CREB5: variants seen among roughly 807,000 people sequenced by gnomAD.
CREB5 encodes the protein cyclic AMP-responsive element-binding protein 5.
CREB5 carries 19 observed loss-of-function variants against 57.1 expected under a neutral mutation model. That is an observed-to-expected ratio of 0.33 (90% confidence interval 0.23 to 0.49). The LOEUF is 0.49. CREB5 is among the 20% of genes least tolerant of loss of function. The probability of loss-of-function intolerance (pLI) is 0.99; values close to 1 mark genes in which losing one functional copy is unlikely to be tolerated. For missense variants in CREB5, 579 were observed against 671.6 expected (o/e 0.86, Z 1.52); for synonymous variants, 238 against 238.3 (o/e 1.00, Z 0.01).
chr7:28,801,880 A>G (rs1278669665), intron 7 of CREB5, among the ~76,000 whole-genome samples: 2 of 152,006 alleles, frequency 1.3e-5, no homozygotes, highest in Admixed American at 1.3e-4. Flanking sequence ...AGGTCAAAAG[A>G]TGGAGACCAT....
At chr7:28,608,447 C>T (rs1797251674) in intron 5 of CREB5, among the ~76,000 whole-genome samples, 2 of 151,970 alleles carry the variant, frequency 1.3e-5, no homozygotes, top group African/African-American at 2.4e-5. Context: ...GGAAACAGTA[C>T]GTAGTTGAAA....
chr7:28,573,516 G>A (rs1795785244), intron 5 of CREB5, among the ~76,000 whole-genome samples: 1 of 152,172 alleles, frequency 6.6e-6, no homozygotes, highest in Non-Finnish European at 1.5e-5. Context: ...GCGGCCAGCG[G>A]GTGTGTTCAT....
At chr7:28,754,110 G>A (rs1405507456) in intron 7 of CREB5, among the ~76,000 whole-genome samples, 1 of 152,058 alleles carries the variant, frequency 6.6e-6, no homozygotes, top group Non-Finnish European at 1.5e-5. Context: ...TGTATGCAGT[G>A]TTCCACTCCA....
chr7:28,569,539 A>G (rs1457212257), intron 4 of CREB5, among the ~76,000 whole-genome samples: 2 of 152,236 alleles, frequency 1.3e-5, no homozygotes, highest in Non-Finnish European at 2.9e-5. Context: ...ATTAGGTCCT[A>G]TAAGTGACTC....
intron 7 of CREB5, among the ~76,000 whole-genome samples, chr7:28,769,978 G>A (rs1214024858): frequency 6.6e-6 from 1 of 152,220 alleles, no homozygotes; most frequent in Non-Finnish European, 1.5e-5. Flanking sequence ...CTTGGCAATA[G>A]GCTCCATAGT....
intron 5 of CREB5, among the ~76,000 whole-genome samples, chr7:28,700,401 T>A (rs1288894657): frequency 2.6e-5 from 4 of 152,208 alleles, no homozygotes; most frequent in Non-Finnish European, 4.4e-5. Flanking sequence ...CTTCCTTGGC[T>A]ATTTGCCTTC....
chr7:28,528,153 G>A (rs1350742406), intron 4 of CREB5, among the ~76,000 whole-genome samples: 1 of 152,194 alleles, frequency 6.6e-6, no homozygotes. Context: ...TTCTTGGGAT[G>A]TACTGACACT....
chr7:28,673,197 A>G (rs150272959), intron 5 of CREB5, among the ~76,000 whole-genome samples: 1 of 152,338 alleles, frequency 6.6e-6, no homozygotes, highest in East Asian at 1.9e-4. Flanking sequence ...AATCTGGGAT[A>G]TTGAATTTCT....
At chr7:28,446,717 G>A (rs185862060) in intron 1 of CREB5, among the ~76,000 whole-genome samples, 202 of 152,246 alleles carry the variant, frequency 1.3e-3, no homozygotes, top group Non-Finnish European at 2.1e-3. Flanking sequence ...GCGTGAACCC[G>A]GGAGGTGGAG....
At chr7:28,414,854 C>A (rs1042866332) in intron 1 of CREB5, among the ~76,000 whole-genome samples, 4 of 151,764 alleles carry the variant, frequency 2.6e-5, no homozygotes, top group Non-Finnish European at 5.9e-5. Flanking sequence ...TTCCAGAAAC[C>A]CCACTAAAAT....
At chr7:28,476,814 G>A (rs770950546) in intron 1 of CREB5, among the ~76,000 whole-genome samples, 2 of 152,214 alleles carry the variant, frequency 1.3e-5, no homozygotes, top group African/African-American at 4.8e-5. Flanking sequence ...ATTTAGCTGT[G>A]AAAGAGGAGA....
At chr7:28,498,958 G>C (rs1792166776) in intron 3 of CREB5, among the ~76,000 whole-genome samples, 1 of 152,164 alleles carries the variant, frequency 6.6e-6, no homozygotes, top group Non-Finnish European at 1.5e-5. Flanking sequence ...ATGTGTAGAG[G>C]ACAATGCACA....
At chr7:28,352,585 C>G (rs1786254677) in intron 1 of CREB5, among the ~76,000 whole-genome samples, 1 of 152,178 alleles carries the variant, frequency 6.6e-6, no homozygotes, top group East Asian at 1.9e-4. Context: ...GTGAGTTTCT[C>G]TTTGGGCTGG....
chr7:28,383,400 G>C (rs751146297), intron 1 of CREB5, among the ~76,000 whole-genome samples: 2 of 152,320 alleles, frequency 1.3e-5, no homozygotes, highest in South Asian at 4.1e-4. Flanking sequence ...CTGGGACTGG[G>C]TAATATGCAA....
intron 7 of CREB5, among the ~76,000 whole-genome samples, chr7:28,773,635 AT>A (rs1430435160): frequency 3.3e-5 from 5 of 152,182 alleles, no homozygotes; most frequent in African/African-American, 1.2e-4. Flanking sequence ...ATAAAACTTT[AT>A]TTACAAAAAC....
intron 7 of CREB5, among the ~76,000 whole-genome samples, chr7:28,744,885 GATCTGTAA>G (rs1027080302): frequency 2.0e-5 from 3 of 152,190 alleles, no homozygotes; most frequent in Non-Finnish European, 4.4e-5. Context: ...GTTCTCTAAG[GATCTGTAA>G]AGCCTAACTG....
intron 7 of CREB5, among the ~76,000 whole-genome samples, chr7:28,773,780 A>G (rs187628615): frequency 1.3e-5 from 2 of 152,326 alleles, no homozygotes; most frequent in East Asian, 1.9e-4. Context: ...TATGGCTCCA[A>G]CCAGGTTAGT....
rs1461693954 is a variant in CREB5 at position 28,765,449 on chromosome 7, T to A, written c.703-38750T>A. Among the ~76,000 whole-genome samples the A allele has an allele frequency of 4.3e-4, 65 of 152,214 alleles. 2 individuals carry two copies. The highest frequency in any genetic ancestry group is 4.3e-3 in the Admixed American group (65 of 15,284). On this transcript the variant is annotated intron_variant, in intron 7 of 10. Coordinates refer to ENST00000357727, the MANE Select transcript of CREB5 (RefSeq NM_182898.4). Reference sequence around the variant, plus strand: ...TTAGGTGTGTAGTGAAATATTTAGTTGTTGTTCTTTCTTCGTTTGGTATTC... The same window carrying A: ...TTAGGTGTGTAGTGAAATATTTAGTAGTTGTTCTTTCTTCGTTTGGTATTC...
intron 7 of CREB5, among the ~76,000 whole-genome samples, chr7:28,754,788 TC>T (rs1805197510): frequency 6.6e-6 from 1 of 152,154 alleles, no homozygotes; most frequent in Non-Finnish European, 1.5e-5. Context: ...TAGAGAGGGA[TC>T]CTTTATTCTC....
Sources: allele counts gnomAD v4.1 joint callset (sites outside exome capture counted in the v4.1 genomes callset), GRCh38; gene constraint gnomAD v4.1.1; transcripts MANE v1.5; gene names NCBI Gene and HGNC (gene_info 2026-07-23, HGNC 2026-07-21).